NBAS: variants seen among roughly 807,000 people sequenced by gnomAD.
NBAS encodes the protein NAG/BC035112 fusion.
A neutral mutation model predicts 302.5 loss-of-function variants in NBAS; 219 were observed. That is an observed-to-expected ratio of 0.72 (90% CI 0.65 to 0.81). The LOEUF (loss-of-function observed/expected upper bound fraction) is 0.81. Among genes scored for constraint, NBAS ranks in the 30% least tolerant of loss-of-function variants. The pLI is 0.00. For missense variants in NBAS, 2,932 were observed against 2,841.6 expected, an observed-to-expected ratio of 1.03 and a Z score of -0.72; for synonymous variants, 1,118 against 1,021.6, an observed-to-expected ratio of 1.09 and a Z score of -1.80.
intron 11 of NBAS, among the ~76,000 whole-genome samples, chr2:15,493,142 A>T (rs1680933458): frequency 6.6e-6 from 1 of 152,168 alleles, no homozygotes; most frequent in Non-Finnish European, 1.5e-5. Context: ...TCCTATTGCC[A>T]TTAAGACCTG....
chr2:15,251,257 T>C (rs1668350988), intron 44 of NBAS, among the ~76,000 whole-genome samples: 1 of 152,026 alleles, frequency 6.6e-6, no homozygotes, highest in African/African-American at 2.4e-5. Context: ...AGCTGAACAA[T>C]GAGAACACAT....
chr2:15,069,027 T>C, the NBAS span, among the ~76,000 whole-genome samples: 6 of 152,084 alleles, frequency 3.9e-5, no homozygotes, highest in Admixed American at 3.9e-4. Flanking sequence ...CCTCTTCTTA[T>C]AAAGCCACCG....
Position 15,422,985 on chromosome 2 carries a change from C to G in NBAS, c.2577+1330G>C, listed in dbSNP as rs114335278. ...CAAAACTCCTATAACTCATACAGTG[C>G]CACTGGAGTCTTAAAAAATGTCTAG... is the stretch of plus-strand genomic sequence containing the variant. On this transcript the variant is annotated intron_variant, in intron 23 of 51. Transcript: ENST00000281513. 6.7e-3 allele frequency among the ~76,000 whole-genome samples: 1,018 copies of G among 152,248 alleles called. 11 individuals are homozygous for G. Among genetic ancestry groups the G allele is most frequent in the African/African-American group, 0.022 (928 of 41,552 alleles).
chr2:15,534,622 A>G lies in NBAS; in HGVS notation c.667T>C (p.Tyr223His). ...YLVSVGTNQS[Y>H]QESHCFSFSS... ...AAGCTGAAACAGTGACTTTCTTGGT[A>G]GCTCTGATTTGTTCCAACACTAAAT... Residue 223 changes from tyrosine (Y) to histidine (H), a missense_variant, in exon 9 of 52, where the codon TAC (tyrosine) becomes CAC (histidine). By Grantham distance (83) the Tyr-to-His change is moderately conservative. Coordinates refer to ENST00000281513, the MANE Select transcript of NBAS (RefSeq NM_015909.4). 1 of 1,613,754 alleles carries G rather than the reference A, an allele frequency of 6.2e-7. No homozygotes were observed. The highest frequency in any genetic ancestry group is 8.5e-7 in the Non-Finnish European group (1 of 1,179,686).
intron 38 of NBAS, among the ~76,000 whole-genome samples, chr2:15,326,809 T>A (rs1038588293): frequency 2.0e-5 from 3 of 152,114 alleles, no homozygotes; most frequent in Non-Finnish European, 4.4e-5. Context: ...AAACCTCTAG[T>A]GTTCAAGGGA....
At chr2:15,203,144 T>G (rs571588372) in intron 48 of NBAS, among the ~76,000 whole-genome samples, 10 of 152,330 alleles carry the variant, frequency 6.6e-5, no homozygotes, top group African/African-American at 2.4e-4. Context: ...CATACAGACA[T>G]ACACATACAC....
At chr2:15,263,387 C>G (rs1229095107) in intron 44 of NBAS, among the ~76,000 whole-genome samples, 2 of 152,110 alleles carry the variant, frequency 1.3e-5, no homozygotes, top group Non-Finnish European at 2.9e-5. Flanking sequence ...AGCCACTGCA[C>G]CCAGGCTAAA....
chr2:14,816,725 CAT>C, the NBAS span, among the ~76,000 whole-genome samples: 3 of 152,210 alleles, frequency 2.0e-5, no homozygotes, highest in African/African-American at 7.2e-5. Context: ...TTTACTGTCT[CAT>C]GTGTGCTTTA....
At chr2:15,399,925 G>A (rs1452822883) in intron 26 of NBAS, among the ~76,000 whole-genome samples, 1 of 152,190 alleles carries the variant, frequency 6.6e-6, no homozygotes, top group Non-Finnish European at 1.5e-5. Context: ...CTAAGTCTAT[G>A]ATTCCATGTA....
rs140052284 is a variant in NBAS at position 15,465,882 on chromosome 2, A to T, written c.2097+1447T>A. Among the ~76,000 whole-genome samples the T allele has an allele frequency of 2.9e-3, 447 of 152,344 alleles. 2 individuals carry two copies. The highest frequency in any genetic ancestry group is 0.01 in the African/African-American group (418 of 41,584). ...TTAGGCACTTTTTAAAAAAGATATC[A>T]TTAGAGAAACTAAGGCTAAGTATAA... On this transcript the variant is annotated intron_variant, in intron 19 of 51. Transcript: ENST00000281513.
At chr2:14,936,764 GC>G in the NBAS span, among the ~76,000 whole-genome samples, 4 of 152,292 alleles carry the variant, frequency 2.6e-5, no homozygotes, top group East Asian at 7.7e-4. Flanking sequence ...GTAAAAGAGG[GC>G]ACCAGAGAGA....
At chr2:14,786,748 G>C in the NBAS span, among the ~76,000 whole-genome samples, 2 of 151,958 alleles carry the variant, frequency 1.3e-5, no homozygotes, top group Non-Finnish European at 2.9e-5. Flanking sequence ...CCAACTATGT[G>C]GTCAATTTTG....
the NBAS span, among the ~76,000 whole-genome samples, chr2:15,071,546 C>G: frequency 6.6e-6 from 1 of 151,218 alleles, no homozygotes; most frequent in Non-Finnish European, 1.5e-5. Flanking sequence ...ATCGCTTGAA[C>G]TCGGGAGGCG....
the NBAS span, among the ~76,000 whole-genome samples, chr2:14,905,709 A>G: frequency 6.6e-6 from 1 of 152,208 alleles, no homozygotes; most frequent in Admixed American, 6.5e-5. Flanking sequence ...GATTCATCCT[A>G]ATGAAAGCAT....
At chr2:15,003,494 T>C in the NBAS span, among the ~76,000 whole-genome samples, 3 of 152,082 alleles carry the variant, frequency 2.0e-5, no homozygotes, top group Admixed American at 6.5e-5. Context: ...TCATTCTGCA[T>C]CTCCCAGTTC....
chr2:15,503,126 G>A (rs1661658657), intron 11 of NBAS, among the ~76,000 whole-genome samples: 2 of 152,154 alleles, frequency 1.3e-5, no homozygotes, highest in Admixed American at 1.3e-4. Flanking sequence ...TATCCCGCTG[G>A]AAGGTCTTTA....
intron 23 of NBAS, among the ~76,000 whole-genome samples, chr2:15,418,790 G>C (rs187406924): frequency 6.6e-6 from 1 of 152,338 alleles, no homozygotes; most frequent in East Asian, 1.9e-4. Flanking sequence ...AAGAAGGTGT[G>C]AGGGGCAGCA....
At chr2:15,542,617 T>A (rs187051244) in intron 6 of NBAS, among the ~76,000 whole-genome samples, 3 of 143,238 alleles carry the variant, frequency 2.1e-5, no homozygotes, top group Admixed American at 7.0e-5. Context: ...CACCCAAGAA[T>A]GATCAATAAA....
chr2:15,332,567 G>T (rs1672401819), intron 35 of NBAS, among the ~76,000 whole-genome samples: 1 of 151,338 alleles, frequency 6.6e-6, no homozygotes, highest in African/African-American at 2.4e-5. Flanking sequence ...GTTTCTTGTT[G>T]GTTTCTCGGG....
Sources: allele counts gnomAD v4.1 joint callset (sites outside exome capture counted in the v4.1 genomes callset), GRCh38; gene constraint gnomAD v4.1.1; transcripts MANE v1.5; gene names NCBI Gene and HGNC (gene_info 2026-07-23, HGNC 2026-07-21).